FCAR: variants seen among roughly 807,000 people sequenced by gnomAD.
FCAR encodes the protein Fc alpha receptor, also known as immunoglobulin alpha Fc receptor.
A neutral mutation model predicts 27.1 loss-of-function variants in FCAR; 21 were observed. That is an observed-to-expected ratio of 0.77 (90% CI 0.55 to 1.11). The LOEUF (loss-of-function observed/expected upper bound fraction) is 1.11, where lower values mean the gene tolerates loss of function less well. FCAR is among the 50% of genes most tolerant of loss of function. The pLI is 0.00. For synonymous variants in FCAR, 134 were observed against 135.8 expected (o/e 0.99, Z 0.09); for missense variants, 404 against 358.4 (o/e 1.13, Z -1.03).
Position 54,888,272 on chromosome 19 carries a change from T to C in FCAR, c.627T>C (p.Asn209=). 1 of 1,614,122 alleles carries C rather than the reference T, an allele frequency of 6.2e-7. No homozygotes were observed. Among genetic ancestry groups the C allele is most frequent in the Non-Finnish European group, 8.5e-7 (1 of 1,180,006 alleles). Residue 209 remains asparagine, a synonymous_variant, in exon 4 of 5, where the codon AAT becomes AAC. Coordinates refer to ENST00000355524, the MANE Select transcript of FCAR (RefSeq NM_002000.4). ...RSPYLWSFPS[N]ALELVVTDSI... is the part of the protein sequence containing the mutation. ...CCTACCTGTGGTCCTTCCCCAGTAATGCCTTGGAGCTTGTGGTCACAGGTA... is the reference window on the plus strand; with the variant it reads ...CCTACCTGTGGTCCTTCCCCAGTAACGCCTTGGAGCTTGTGGTCACAGGTA...
intron 1 of FCAR, 113 bp downstream of exon 1, chr19:54,874,436 G>GA: frequency 8.7e-6 from 9 of 1,029,846 alleles, no homozygotes; most frequent in Non-Finnish European, 1.4e-5. Context: ...AGGAGATTCT[G>GA]ATCTCCTTAG....
Position 54,889,707 on chromosome 19 carries a change from G to A in FCAR, c.708G>A (p.Leu236=), listed in dbSNP as rs749828103. ...TGATCCGCATGGCCGTGGCAGGACT[G>A]GTCCTCGTGGCTCTCTTGGCCATAC... ...QNLIRMAVAG[L]VLVALLAILV... is the part of the protein sequence containing the mutation. The change falls in exon 5 of 5, where the codon CTG becomes CTA. Residue 236 remains leucine, a synonymous_variant. Transcript: ENST00000355524. The A allele has an allele frequency of 6.2e-7, 1 of 1,614,130 alleles. No individual in the cohort carries two copies. Among genetic ancestry groups the A allele is most frequent in the Non-Finnish European group, 8.5e-7 (1 of 1,180,002 alleles).
chr19:54,884,509 G>A (rs1474677017), intron 2 of FCAR, among the ~76,000 whole-genome samples: 2 of 152,106 alleles, frequency 1.3e-5, no homozygotes, highest in Admixed American at 1.3e-4. Context: ...GTGGGCACCT[G>A]TAATCCCAGC....
At chr19:54,887,164 G>T (rs1377205809) in intron 3 of FCAR, among the ~76,000 whole-genome samples, 1 of 152,132 alleles carries the variant, frequency 6.6e-6, no homozygotes, top group Non-Finnish European at 1.5e-5. Context: ...CAAAAAATTA[G>T]CTGGGCATGG....
chr19:54,884,845 T>C (rs1042965173), intron 2 of FCAR, among the ~76,000 whole-genome samples: 1 of 152,076 alleles, frequency 6.6e-6, no homozygotes, highest in African/African-American at 2.4e-5. Flanking sequence ...CTCACTCTGT[T>C]GCCCAGGCTG....
At chr19:54,887,755 A>G (rs2066822378) in intron 3 of FCAR, among the ~76,000 whole-genome samples, 1 of 151,708 alleles carries the variant, frequency 6.6e-6, no homozygotes, top group African/African-American at 2.4e-5. Context: ...CGTCTCTACT[A>G]AAAATACAAA....
chr19:54,879,980 C>A (rs762767705), intron 2 of FCAR, among the ~76,000 whole-genome samples: 21 of 152,184 alleles, frequency 1.4e-4, no homozygotes, highest in Non-Finnish European at 2.6e-4. Flanking sequence ...CCACCGCGCC[C>A]GGCCGACATT....
chr19:54,878,114 T>A (rs932919789), intron 2 of FCAR, among the ~76,000 whole-genome samples: 1 of 152,162 alleles, frequency 6.6e-6, no homozygotes, highest in Non-Finnish European at 1.5e-5. Flanking sequence ...AGACGGGGTT[T>A]CACTGCGTTA....
At position 54,885,268 on chromosome 19, in the gene FCAR, C is replaced by A. The variant is rs773603335; in HGVS notation, c.104C>A (p.Ser35Ter). 6.2e-6 allele frequency: 10 copies of A among 1,613,822 alleles called. No homozygotes were observed. Among genetic ancestry groups the A allele is most frequent in the Middle Eastern group, 1.7e-4 (1 of 6,058 alleles). Residue 35 changes from serine to a stop codon, truncating the protein, a stop_gained, in exon 3 of 5, where the codon TCG becomes TAG. Coordinates refer to ENST00000355524, the MANE Select transcript of FCAR (RefSeq NM_002000.4). LOFTEE classifies it high-confidence loss of function. ...DFPMPFISAKSSPVIPLDGSV... is the reference protein window; with the variant it reads ...DFPMPFISAK The stretch of plus-strand genomic sequence containing the variant: ...CCCATGCCTTTCATATCTGCCAAAT[C>A]GAGTCCTGTGATTCCCTTGGATGGA...
At chr19:54,884,810 T>TG (rs1556708361) in intron 2 of FCAR, among the ~76,000 whole-genome samples, 7 of 151,214 alleles carry the variant, frequency 4.6e-5, no homozygotes, top group Non-Finnish European at 8.8e-5. Flanking sequence ...TTTTAATTTT[T>TG]TTGTTGTTGT....
chr19:54,882,475 G>A (rs2066481839), intron 2 of FCAR, among the ~76,000 whole-genome samples: 3 of 147,610 alleles, frequency 2.0e-5, no homozygotes, highest in Admixed American at 6.8e-5. Flanking sequence ...TTACTCTGTC[G>A]CCCAGGCTGG....
chr19:54,878,347 C>T lies in FCAR; in HGVS notation c.70+2982C>T, dbSNP rs150804855. Among the ~76,000 whole-genome samples the T allele has an allele frequency of 3.5e-3, 533 of 152,204 alleles. 1 individual carries two copies. The highest frequency in any genetic ancestry group is 7.9e-3 in the Admixed American group (121 of 15,272). ...TAGATGTCTGTCAGGTCCATTTGAT[C>T]CACTGCTGAGTTCAGGTCCTGAATA... On this transcript the variant is annotated intron_variant, in intron 2 of 4. Coordinates refer to ENST00000355524, the MANE Select transcript of FCAR (RefSeq NM_002000.4).
In FCAR at chr19:54,885,457, A is replaced by G; in HGVS notation, c.293A>G (p.Tyr98Cys). 6.2e-7 allele frequency: 1 copy of G among 1,613,540 alleles called. No individual in the cohort carries two copies. Among genetic ancestry groups the G allele is most frequent in the Middle Eastern group, 1.6e-4 (1 of 6,062 alleles). The change falls in exon 3 of 5, where the codon TAT (tyrosine) becomes TGT (cysteine). Residue 98 changes from tyrosine to cysteine, a missense_variant. Tyr to Cys is a radical substitution (Grantham distance 194, BLOSUM62 -2). Transcript: ENST00000355524. Reference sequence around the variant, plus strand: ...ATGGACGCAAACAAGGCAGGGCGCTATCAGTGCCAATATAGGATAGGGCAC... The same window carrying G: ...ATGGACGCAAACAAGGCAGGGCGCTGTCAGTGCCAATATAGGATAGGGCAC... The part of the protein sequence containing the change: ...DHMDANKAGR[Y>C]QCQYRIGHYR...
At chr19:54,880,004 T>A (rs1221401616) in intron 2 of FCAR, among the ~76,000 whole-genome samples, 3 of 152,196 alleles carry the variant, frequency 2.0e-5, no homozygotes, top group African/African-American at 7.2e-5. Flanking sequence ...TTCTTTCATT[T>A]CTACCTTGAA....
intron 2 of FCAR, among the ~76,000 whole-genome samples, chr19:54,883,882 G>A (rs1028529701): frequency 2.6e-4 from 40 of 152,236 alleles, no homozygotes; most frequent in African/African-American, 9.4e-4. Context: ...GTGTGAACCC[G>A]GGAGGCGGAG....
Position 54,890,420 on chromosome 19 carries a change from A to ATTTATT in FCAR, c.*577_*582dup, listed in dbSNP as rs965347902. The ATTTATT allele has an allele frequency of 6.7e-5, 10 of 149,512 alleles. No individual in the cohort carries two copies. Among genetic ancestry groups the ATTTATT allele is most frequent in the East Asian group, 3.9e-4 (2 of 5,086 alleles). The allele number at this position is 149,512 out of a possible 1,614,324, so 9.3% of individuals were successfully genotyped here. A position where few individuals can be genotyped will look rare whatever the true frequency, so the allele number is the denominator to read the frequency against. ...GTTCTTCTCTTTTTTTATTTATTTT[A>ATTTATT]TTTATTTTTATTTTTATTTTTATTT... On this transcript the variant is annotated 3_prime_UTR_variant, in exon 5 of 5. Coordinates refer to ENST00000355524, the MANE Select transcript of FCAR (RefSeq NM_002000.4).
At chr19:54,889,301 G>A (rs1398662138) in intron 4 of FCAR, among the ~76,000 whole-genome samples, 3 of 149,236 alleles carry the variant, frequency 2.0e-5, no homozygotes, top group Admixed American at 6.7e-5. Context: ...TGACCAGGGA[G>A]GCGGAGGTTG....
chr19:54,880,051 T>C (rs1214870402), intron 2 of FCAR, among the ~76,000 whole-genome samples: 5 of 144,472 alleles, frequency 3.5e-5, no homozygotes, highest in Non-Finnish European at 7.5e-5. Flanking sequence ...ATGCTCTTCT[T>C]GTGTAGTATT....
intron 2 of FCAR, among the ~76,000 whole-genome samples, chr19:54,880,250 A>T (rs6509905): frequency 0.69 from 104,390 of 152,028 alleles, 36,290 homozygotes; most frequent in East Asian, 0.99. Context: ...TTGTTCATTA[A>T]TTTTTATTCT....
Sources: gnomAD v4.1 joint callset for allele counts (sites outside exome capture counted in the v4.1 genomes callset) on GRCh38, gnomAD v4.1.1 for gene constraint, MANE v1.5 for transcripts, NCBI Gene and HGNC (gene_info 2026-07-23, HGNC 2026-07-21) for gene names.